NDUFA11: variants seen among roughly 807,000 people sequenced by gnomAD.
NDUFA11 encodes the protein NADH dehydrogenase [ubiquinone] 1 alpha subcomplex subunit 11.
A neutral mutation model predicts 11.3 loss-of-function variants in NDUFA11; 14 were observed. The ratio of observed to expected loss-of-function variants is 1.24; its 90% CI spans 0.82 to 1.94. The LOEUF (loss-of-function observed/expected upper bound fraction) is 1.94, where lower values mean the gene tolerates loss of function less well. Among genes scored for constraint, NDUFA11 ranks in the 30% most tolerant of loss-of-function variants. NDUFA11 has a pLI of 0.00. For synonymous variants in NDUFA11, 87 were observed against 85.6 expected (o/e 1.02, Z -0.09); for missense variants, 204 against 200.3 (o/e 1.02, Z -0.11).
downstream of NDUFA11, chr19:5,893,154 G>C (rs1024471770): frequency 2.0e-6 from 3 of 1,535,956 alleles, no homozygotes; most frequent in South Asian, 3.6e-5. This position sits in a 1 kb window ranked among gnomAD's most constrained non-coding sequence, Gnocchi z 4.1. Flanking sequence ...CGAGGCAGGC[G>C]CTGGAAGAAG....
In NDUFA11 at chr19:5,896,997, C is replaced by T; in HGVS notation, c.98G>A (p.Gly33Asp). The T allele has an allele frequency of 6.2e-7, 1 of 1,613,750 alleles. No individual in the cohort carries two copies. Among genetic ancestry groups the T allele is most frequent in the Non-Finnish European group, 8.5e-7 (1 of 1,179,758 alleles). Residue 33 changes from glycine (G) to aspartate (D), a missense_variant and splice_region_variant, in exon 2 of 4, where the codon GGC becomes GAC. Physicochemically the swap from Gly to Asp is moderately conservative, Grantham distance 94. Transcript: ENST00000308961. This position sits in a 1 kb window ranked among gnomAD's most constrained non-coding sequence, Gnocchi z 5.8. The stretch of plus-strand genomic sequence containing the variant: ...GACTCTGTAGGCAGCGGCGGTCAGG[C>T]CTGCGAGACAGAGGAGGGAGGCTGT... ...YSTTSIASVA[G>D]LTAAAYRVTL...
rs753722541 is a variant in NDUFA11 at position 5,896,868 on chromosome 19, G to A, written c.190+37C>T. 1.9e-6 allele frequency: 3 copies of A among 1,542,050 alleles called. No homozygotes were observed. The highest frequency in any genetic ancestry group is 2.7e-6 in the Non-Finnish European group (3 of 1,115,032). ...TGCTCTGAGAGCTGGGGCTGTGCCA[G>A]GAGAGGGCCCAGCCATGCCCAGCCC... is the stretch of plus-strand genomic sequence containing the variant. On this transcript the variant is annotated intron_variant, in intron 2 of 3. Coordinates refer to ENST00000308961, the MANE Select transcript of NDUFA11 (RefSeq NM_175614.5). The surrounding 1 kb of genome is among the most constrained non-coding windows in gnomAD (Gnocchi z 5.8).
Position 5,896,487 on chromosome 19 carries a change from A to ACC in NDUFA11, c.277_278dup (p.Gly94ValfsTer7). On this transcript the variant is annotated frameshift_variant, in exon 3 of 4. Coordinates refer to ENST00000308961, the MANE Select transcript of NDUFA11 (RefSeq NM_175614.5). LOFTEE classifies it low-confidence loss of function (END_TRUNC). This position sits in a 1 kb window ranked among gnomAD's most constrained non-coding sequence, Gnocchi z 5.8. ...CCAGAGTCAGGCCTCCGGCGCAGCC[A>ACC]CCGAGGAAGTAGTTCAGGGGGTCGT... is the stretch of plus-strand genomic sequence containing the variant. 4.4e-6 allele frequency: 7 copies of ACC among 1,573,810 alleles called. No individual in the cohort carries two copies. The highest frequency in any genetic ancestry group is 6.0e-6 in the Non-Finnish European group (7 of 1,159,960).
At chr19:5,901,709 G>A (rs1183200084) in intron 1 of NDUFA11, among the ~76,000 whole-genome samples, 1 of 149,754 alleles carries the variant, frequency 6.7e-6, no homozygotes, top group African/African-American at 2.5e-5. Flanking sequence ...TTGCTCTGTC[G>A]CCCAGGCTGG....
rs898028227 is a variant in NDUFA11 at position 5,896,024 on chromosome 19, C to G, written c.313+429G>C. The stretch of plus-strand genomic sequence containing the variant: ...GCCAGTGGCAGAGACAGGGGGTGAC[C>G]TTGGTGACCTGTGTCCTCTGACAAG... On this transcript the variant is annotated intron_variant, in intron 3 of 3. Transcript: ENST00000308961. This position sits in a 1 kb window ranked among gnomAD's most constrained non-coding sequence, Gnocchi z 5.8. 6 of 312,720 alleles carry G rather than the reference C, an allele frequency of 1.9e-5. No individual in the cohort carries two copies. The highest frequency in any genetic ancestry group is 1.8e-4 in the Admixed American group (4 of 22,052). 19.4% of individuals were successfully genotyped at this position (312,720 alleles called of 1,614,324 possible). A position where few individuals can be genotyped will look rare whatever the true frequency, so the allele number is the denominator to read the frequency against.
rs78306207 is a variant in NDUFA11 at position 5,903,077 on chromosome 19, C to T, written c.97+535G>A. Among the ~76,000 whole-genome samples, 1,135 of 151,460 alleles carry T rather than the reference C, an allele frequency of 7.5e-3. 11 individuals carry two copies. Among genetic ancestry groups the T allele is most frequent in the Middle Eastern group, 0.061 (18 of 294 alleles). On this transcript the variant is annotated intron_variant, in intron 1 of 3. Transcript: ENST00000308961. ...CCCCTTCATTCCCCTGCAAGGCTAC[C>T]CTCATAGTAGCTCCTGATCCACCTC...
intron 1 of NDUFA11, among the ~76,000 whole-genome samples, chr19:5,898,293 A>G (rs919552254): frequency 2.0e-5 from 3 of 152,200 alleles, no homozygotes; most frequent in African/African-American, 4.8e-5. Flanking sequence ...CCCATGGGAC[A>G]TGCCAGGCCT....
chr19:5,896,612 G>C lies in NDUFA11; in HGVS notation c.191-37C>G, dbSNP rs758783732. ...ACGGGAAGAGCAAGGGCCTCGAGAC[G>C]GGCACAGCAGGAGCCTCTTGGGCGC... is the stretch of plus-strand genomic sequence containing the variant. On this transcript the variant is annotated intron_variant, in intron 2 of 3. Transcript: ENST00000308961. The surrounding 1 kb of genome is among the most constrained non-coding windows in gnomAD (Gnocchi z 5.8). 6.4e-7 allele frequency: 1 copy of C among 1,554,712 alleles called. No homozygotes were observed.
At chr19:5,893,011 G>A (rs1403218149), downstream of NDUFA11, 2 of 1,532,700 alleles carry the variant, frequency 1.3e-6, no homozygotes, top group Non-Finnish European at 8.7e-7. This position sits in a 1 kb window ranked among gnomAD's most constrained non-coding sequence, Gnocchi z 4.1. Flanking sequence ...TGCGGGGTGG[G>A]TGTGTCCGCC....
Position 5,896,563 on chromosome 19 carries a change from G to C in NDUFA11, c.203C>G (p.Ala68Gly). Residue 68 changes from alanine (A) to glycine (G), a missense_variant, in exon 3 of 4, where the codon GCC becomes GGC. Transcript: ENST00000308961. This position sits in a 1 kb window ranked among gnomAD's most constrained non-coding sequence, Gnocchi z 5.8. Reference sequence around the variant, plus strand: ...GATGCAGGTGGTGAGGCCAAACACGGCCCCGACAGCAGCTGCGGGGTAGAC... The same window carrying C: ...GATGCAGGTGGTGAGGCCAAACACGCCCCCGACAGCAGCTGCGGGGTAGAC... ...QYTFTAAAVGAVFGLTTCISA... is the reference protein window; with the variant it reads ...QYTFTAAAVGGVFGLTTCISA... The C allele has an allele frequency of 1.9e-6, 3 of 1,565,770 alleles. No individual in the cohort carries two copies. Among genetic ancestry groups the C allele is most frequent in the Non-Finnish European group, 2.6e-6 (3 of 1,155,980 alleles).
chr19:5,903,270 C>T (rs554181712), intron 1 of NDUFA11, among the ~76,000 whole-genome samples: 1 of 152,220 alleles, frequency 6.6e-6, no homozygotes, highest in Admixed American at 6.5e-5. Context: ...ATCTCTACCC[C>T]GTTGGAAAGT....
intron 1 of NDUFA11, among the ~76,000 whole-genome samples, chr19:5,899,451 CTTTTTT>C (rs71172780): frequency 1.0e-4 from 7 of 68,846 alleles, no homozygotes; most frequent in East Asian, 4.6e-4. Context: ...CGCCCGGACT[CTTTTTT>C]TTTTTTTTTT....
In NDUFA11 at chr19:5,897,004, G is replaced by C; in HGVS notation, c.98-7C>G. On this transcript the variant is annotated splice_polypyrimidine_tract_variant and splice_region_variant and intron_variant, in intron 1 of 3. Coordinates refer to ENST00000308961, the MANE Select transcript of NDUFA11 (RefSeq NM_175614.5). ...TAGGCAGCGGCGGTCAGGCCTGCGA[G>C]ACAGAGGAGGGAGGCTGTTCAGACC... 6.2e-7 allele frequency: 1 copy of C among 1,612,578 alleles called. No homozygotes were observed. The highest frequency in any genetic ancestry group is 1.1e-5 in the South Asian group (1 of 91,050).
At position 5,896,128 on chromosome 19, in the gene NDUFA11, G is replaced by C. The variant is rs992107295; in HGVS notation, c.313+325C>G. ...CACAGGGTGGTCAGGACAGTGAGGG[G>C]AACAGCATTCCACGCAGTGCACTGC... On this transcript the variant is annotated intron_variant, in intron 3 of 3. Coordinates refer to ENST00000308961, the MANE Select transcript of NDUFA11 (RefSeq NM_175614.5). The surrounding 1 kb of genome is among the most constrained non-coding windows in gnomAD (Gnocchi z 5.8). 1 of 566,180 alleles carries C rather than the reference G, an allele frequency of 1.8e-6. No individual in the cohort carries two copies. The highest frequency in any genetic ancestry group is 1.9e-5 in the African/African-American group (1 of 53,446). The allele number at this position is 566,180 out of a possible 1,614,324, so 35.1% of individuals were successfully genotyped here. A position where few individuals can be genotyped will look rare whatever the true frequency, so the allele number is the denominator to read the frequency against.
rs1462011295 is a variant in NDUFA11 at position 5,896,908 on chromosome 19, C to T, written c.187G>A (p.Ala63Thr). The T allele has an allele frequency of 6.2e-7, 1 of 1,613,144 alleles. No individual in the cohort carries two copies. The highest frequency in any genetic ancestry group is 1.7e-5 in the Admixed American group (1 of 60,028). The change falls in exon 2 of 4, where the codon GCA becomes ACA. Residue 63 changes from alanine to threonine, a missense_variant. Ala to Thr is a moderately conservative substitution (Grantham distance 58, BLOSUM62 0). Transcript: ENST00000308961. The surrounding 1 kb of genome is among the most constrained non-coding windows in gnomAD (Gnocchi z 5.8). ...VAKVGQYTFT[A>T]AAVGAVFGLT... ...ATGCCCAGCCCAGCGTGCTCACCTG[C>T]AGTGAACGTGTATTGTCCAACCTTA... is the stretch of plus-strand genomic sequence containing the variant.
At chr19:5,893,863 T>C (rs931024212), downstream of NDUFA11, among the ~76,000 whole-genome samples, 6 of 152,136 alleles carry the variant, frequency 3.9e-5, no homozygotes, top group Admixed American at 3.3e-4. This position sits in a 1 kb window ranked among gnomAD's most constrained non-coding sequence, Gnocchi z 4.1. Flanking sequence ...GTTCCTGCTG[T>C]CCCCGGCCCA....
At chr19:5,900,697 C>A (rs2057639409) in intron 1 of NDUFA11, among the ~76,000 whole-genome samples, 1 of 152,190 alleles carries the variant, frequency 6.6e-6, no homozygotes, top group African/African-American at 2.4e-5. Flanking sequence ...GCGGGCGGAT[C>A]ACCTGAGGTC....
At chr19:5,899,036 C>T (rs572466432) in intron 1 of NDUFA11, among the ~76,000 whole-genome samples, 1 of 152,016 alleles carries the variant, frequency 6.6e-6, no homozygotes, top group South Asian at 2.1e-4. Flanking sequence ...GCCCAGCAGC[C>T]CCATCCTCAG....
chr19:5,896,117 G>GA lies in NDUFA11; in HGVS notation c.313+335dup. The GA allele has an allele frequency of 1.8e-6, 1 of 555,012 alleles. No individual in the cohort carries two copies. The highest frequency in any genetic ancestry group is 3.2e-6 in the Non-Finnish European group (1 of 313,812). 34.4% of individuals were successfully genotyped at this position (555,012 alleles called of 1,614,324 possible). A position where few individuals can be genotyped will look rare whatever the true frequency, so the allele number is the denominator to read the frequency against. On this transcript the variant is annotated intron_variant, in intron 3 of 3. Transcript: ENST00000308961. This position sits in a 1 kb window ranked among gnomAD's most constrained non-coding sequence, Gnocchi z 5.8. ...GCTGGCTTGTACACAGGGTGGTCAG[G>GA]ACAGTGAGGGGAACAGCATTCCACG...
Sources: gnomAD v4.1 joint callset for allele counts (sites outside exome capture counted in the v4.1 genomes callset) on GRCh38, gnomAD v4.1.1 for gene constraint, Gnocchi (gnomAD v3.1) non-coding constraint, MANE v1.5 for transcripts, NCBI Gene and HGNC (gene_info 2026-07-23, HGNC 2026-07-21) for gene names.